The following SHANK1 variants were observed in gnomAD, a reference collection of about 807,000 sequenced individuals.
SHANK1 encodes SH3 and multiple ankyrin repeat domains protein 1.
SHANK1 carries 35 observed loss-of-function variants against 165.6 expected under a neutral mutation model. The ratio of observed to expected loss-of-function variants is 0.21; its 90% CI spans 0.16 to 0.28. The LOEUF (loss-of-function observed/expected upper bound fraction) is 0.28. SHANK1 is among the 10% of genes least tolerant of loss of function. The pLI is 1.00. For synonymous variants in SHANK1, 1,428 were observed against 1,384.8 expected (o/e 1.03, Z -0.69); for missense variants, 2,681 against 3,036.4 (o/e 0.88, Z 2.75).
rs1317317383 is a variant in SHANK1, at chr19:50,712,137, G to T, written c.793-23C>A. The T allele has an allele frequency of 1.9e-6, 3 of 1,556,866 alleles. No individual in the cohort carries two copies. The African/African-American group carries it at 4.1e-5, about 21-fold the overall frequency. Reference sequence around the variant, plus strand: ...CGCCTAGGAACGGAGAGAGAACCCAGTAGAAAAACACAGATGACAGTCACA... The same window carrying T: ...CGCCTAGGAACGGAGAGAGAACCCATTAGAAAAACACAGATGACAGTCACA... On this transcript the variant is annotated intron_variant, in intron 6 of 23. Transcript: ENST00000293441.
chr19:50,687,676 G>T lies in SHANK1; in HGVS notation c.2309-14C>A. The T allele has an allele frequency of 6.8e-7, 1 of 1,478,408 alleles. No homozygotes were observed. The highest frequency in any genetic ancestry group is 1.4e-5 in the South Asian group (1 of 70,720). The allele number at this position is 1,478,408 out of a possible 1,614,324, so 91.6% of individuals were successfully genotyped here. Reference sequence around the variant, plus strand: ...CCTGCTGGGGTGCTGAAAAGGTGATGAGGGGAGGCATCAGTATCATGGGGG... The same window carrying T: ...CCTGCTGGGGTGCTGAAAAGGTGATTAGGGGAGGCATCAGTATCATGGGGG... On this transcript the variant is annotated splice_polypyrimidine_tract_variant and intron_variant, in intron 18 of 23. Transcript: ENST00000293441.
rs374708018 is a variant in SHANK1, at chr19:50,716,904, C to T, written c.16G>A (p.Ala6Thr). 272 of 1,446,570 alleles carry T rather than the reference C, an allele frequency of 1.9e-4. No homozygotes were observed. Among genetic ancestry groups the T allele is most frequent in the East Asian group, 2.5e-4 (10 of 39,242 alleles). The allele number at this position is 1,446,570 out of a possible 1,614,324, so 89.6% of individuals were successfully genotyped here. A position where few individuals can be genotyped will look rare whatever the true frequency, so the allele number is the denominator to read the frequency against. Reference sequence around the variant, plus strand: ...TGGCGTTCCTCGTCCTCGCTTGTCGCGGGGCTGTGGGTCATTGTGGGGCCA... The same window carrying T: ...TGGCGTTCCTCGTCCTCGCTTGTCGTGGGGCTGTGGGTCATTGTGGGGCCA... MTHSP[A>T]TSEDEERHSA... is the part of the protein sequence containing the mutation. Residue 6 changes from alanine to threonine, a missense_variant, in exon 2 of 24, where the codon GCG (alanine) becomes ACG (threonine). Around this residue, in one of 10 missense-constraint regions of SHANK1, gnomAD observed 118 missense variants for 106.9 expected, o/e 1.10. Transcript: ENST00000293441. The surrounding 1 kb of genome is among the most constrained non-coding windows in gnomAD (Gnocchi z 8.4).
At chr19:50,665,737 T>TAAAAAAAAAAAAAAAAAAAAA (rs71182756) in intron 23 of SHANK1, among the ~76,000 whole-genome samples, 5 of 98,168 alleles carry the variant, frequency 5.1e-5, no homozygotes, top group African/African-American at 1.4e-4. Context: ...ACCCTGTTTC[T>TAAAAAAAAAAAAAAAAAAAAA]AAAAAAAAAA....
At chr19:50,712,224 C>G in intron 6 of SHANK1, 110 bp from the exon 7 acceptor site, 1 of 1,125,296 alleles carries the variant, frequency 8.9e-7, no homozygotes, top group Non-Finnish European at 1.3e-6. Context: ...CCTACAGTGG[C>G]CAATGACAGT....
chr19:50,686,847 C>A lies in SHANK1; in HGVS notation c.2390-35G>T. ...AAGAACACGGATGACGCCCAGGGAG[C>A]CCCCGGGGGCGGGGCGGAGCGGGCT... On this transcript the variant is annotated intron_variant, in intron 19 of 23. Transcript: ENST00000293441. This position sits in a 1 kb window ranked among gnomAD's most constrained non-coding sequence, Gnocchi z 5.7. The A allele has an allele frequency of 2.5e-6, 4 of 1,608,628 alleles. No homozygotes were observed. Among genetic ancestry groups the A allele is most frequent in the Middle Eastern group, 1.7e-4 (1 of 6,048 alleles).
At position 50,670,272 on chromosome 19, in the gene SHANK1, C is replaced by T. The variant is rs1985743868; in HGVS notation, c.2675-987G>A. Among the ~76,000 whole-genome samples the T allele has an allele frequency of 6.6e-6, 1 of 152,166 alleles. No homozygotes were observed. The highest frequency in any genetic ancestry group is 2.4e-5 in the African/African-American group (1 of 41,438). ...AAACCTTGCAGCCACTCTTAGCTTT[C>T]TTCCTCAAGTCACCCACATCCAATC... On this transcript the variant is annotated intron_variant, in intron 22 of 23. Transcript: ENST00000293441. This position sits in a 1 kb window ranked among gnomAD's most constrained non-coding sequence, Gnocchi z 4.1.
At chr19:50,711,182 T>TTGGA (rs36023521) in intron 8 of SHANK1, 189 bp downstream of exon 8, 142,100 of 557,164 alleles carry the variant, frequency 0.26, 18,800 homozygotes, top group African/African-American at 0.34. Context: ...TAAATATCTG[T>TTGGA]TGGATGGATG....
Position 50,718,864 on chromosome 19 carries a change from C to CCTCCCATCAAGGATGCGATCT in SHANK1, c.-44+541_-44+542insAGATCGCATCCTTGATGGGAG. On this transcript the variant is annotated intron_variant, in intron 1 of 23. Transcript: ENST00000293441. The surrounding 1 kb of genome is among the most constrained non-coding windows in gnomAD (Gnocchi z 5.1). ...GGGGGCGGGAGCCGAGGGGGCGCGC[C>CCTCCCATCAAGGATGCGATCT]GGCCGGCGGTGTAGGGACTGGAGAC... 6.7e-6 allele frequency among the ~76,000 whole-genome samples: 1 copy of CCTCCCATCAAGGATGCGATCT among 149,734 alleles called. No individual in the cohort carries two copies. The highest frequency in any genetic ancestry group is 2.1e-4 in the South Asian group (1 of 4,662).
chr19:50,699,262 G>A (rs138210407), intron 12 of SHANK1, among the ~76,000 whole-genome samples: 127 of 152,332 alleles, frequency 8.3e-4, no homozygotes, highest in African/African-American at 2.9e-3. Context: ...TTTAGTTAGT[G>A]CCAGTCATGA....
intron 11 of SHANK1, among the ~76,000 whole-genome samples, chr19:50,703,157 TC>T (rs1195255768): frequency 6.7e-6 from 1 of 149,884 alleles, no homozygotes; most frequent in East Asian, 2.0e-4. Context: ...GACCTCTCTG[TC>T]CCCCTCAAGT....
Position 50,661,528 on chromosome 19 carries a change from C to A in SHANK1, c.*437G>T, listed in dbSNP as rs1245240739. Among the ~76,000 whole-genome samples the A allele has an allele frequency of 6.6e-6, 1 of 151,202 alleles. No homozygotes were observed. Among genetic ancestry groups the A allele is most frequent in the African/African-American group, 2.4e-5 (1 of 41,052 alleles). On this transcript the variant is annotated 3_prime_UTR_variant, in exon 24 of 24. Coordinates refer to ENST00000293441, the MANE Select transcript of SHANK1 (RefSeq NM_016148.5). ...AGGGGAAGGGGGGAGAGCTGAGGGG[C>A]CTGGAGAGAGTGGGAAGGGTTGTTA...
chr19:50,703,548 C>A lies in SHANK1; in HGVS notation c.1505G>T (p.Arg502Leu). The change falls in exon 11 of 24, where the codon CGA becomes CTA. Residue 502 changes from arginine to leucine, a missense_variant. Arg to Leu is a moderately radical substitution (Grantham distance 102). Transcript: ENST00000293441. ...PRGARARSPS[R>L]GRHPEDAKRQ... ...CTTGGCGTCCTCAGGGTGCCTCCCTCGGGATGGAGAGCGGGCCCTGGCACC... is the reference window on the plus strand; with the variant it reads ...CTTGGCGTCCTCAGGGTGCCTCCCTAGGGATGGAGAGCGGGCCCTGGCACC... 6.4e-7 allele frequency: 1 copy of A among 1,552,220 alleles called. No homozygotes were observed. Among genetic ancestry groups the A allele is most frequent in the East Asian group, 2.4e-5 (1 of 41,904 alleles).
At chr19:50,693,764 C>T (rs1986623378) in intron 15 of SHANK1, among the ~76,000 whole-genome samples, 1 of 152,112 alleles carries the variant, frequency 6.6e-6, no homozygotes, top group African/African-American at 2.4e-5. Context: ...CAAGCGGATG[C>T]GGCTCCCCAT....
chr19:50,672,049 T>C lies in SHANK1; in HGVS notation c.2643A>G (p.Gly881=), dbSNP rs765410245. 8.7e-6 allele frequency: 14 copies of C among 1,613,634 alleles called. No individual in the cohort carries two copies. The Admixed American group carries it at 2.3e-4, about 27-fold the overall frequency. Residue 881 remains glycine, a synonymous_variant, in exon 22 of 24, where the codon GGA becomes GGG. Coordinates refer to ENST00000293441, the MANE Select transcript of SHANK1 (RefSeq NM_016148.5). ...SYERPSFLPP[G]PGLMLRQKSI... ...ATTTTTGCCGGAGCATCAACCCAGG[T>C]CCTGGAGGCAGGAAAGAAGGACGCT...
intron 16 of SHANK1, 42 bp from the exon 17 acceptor site, chr19:50,689,010 T>A: frequency 7.3e-7 from 1 of 1,374,348 alleles, no homozygotes; most frequent in Non-Finnish European, 1.0e-6. Flanking sequence ...GGGGAGGGGG[T>A]GGAGAGGCCG....
In SHANK1 at chr19:50,666,452, C is replaced by T. The variant is rs1232996194; in HGVS notation, c.5508G>A (p.Lys1836=). ...CCGGGCCCTCCTCCCAGGGCAGCAG[C>T]TTCCGGGGCAGAGAGGAGGCCGTCG... ...PLPTASSLPR[K]LLPWEEGPGP... Residue 1836 remains lysine (K), a synonymous_variant, in exon 23 of 24, where the codon AAG becomes AAA. Coordinates refer to ENST00000293441, the MANE Select transcript of SHANK1 (RefSeq NM_016148.5). 1.2e-6 allele frequency: 2 copies of T among 1,608,156 alleles called. No individual in the cohort carries two copies. Among genetic ancestry groups the T allele is most frequent in the Admixed American group, 1.7e-5 (1 of 59,302 alleles).
rs1167514708 is a variant in SHANK1 at position 50,688,423 on chromosome 19, A to G, written c.2173-365T>C. 1.3e-5 allele frequency among the ~76,000 whole-genome samples: 2 copies of G among 151,940 alleles called. No individual in the cohort carries two copies. Among genetic ancestry groups the G allele is most frequent in the African/African-American group, 2.4e-5 (1 of 41,342 alleles). On this transcript the variant is annotated intron_variant, in intron 17 of 23. Coordinates refer to ENST00000293441, the MANE Select transcript of SHANK1 (RefSeq NM_016148.5). This position sits in a 1 kb window ranked among gnomAD's most constrained non-coding sequence, Gnocchi z 6.7. ...ACCCTCGACTTCCTGGGCTCAAGCA[A>G]TTCTCCCACCTCAGCCTCCAGAATA... is the stretch of plus-strand genomic sequence containing the variant.
At chr19:50,696,374 C>T (rs1986742331) in intron 15 of SHANK1, among the ~76,000 whole-genome samples, 1 of 152,056 alleles carries the variant, frequency 6.6e-6, no homozygotes, top group African/African-American at 2.4e-5. Context: ...GGGTGGCACC[C>T]CAGCCCCACC....
rs979233657 is a variant in SHANK1, at chr19:50,670,188, C to T, written c.2675-903G>A. Among the ~76,000 whole-genome samples the T allele has an allele frequency of 2.0e-5, 3 of 152,150 alleles. No individual in the cohort carries two copies. The highest frequency in any genetic ancestry group is 4.4e-5 in the Non-Finnish European group (3 of 68,032). ...TCACCAACAGACTCCTCCCAGCCCACGGTCCCTCCCCACCACCGCAGCAAA... is the reference window on the plus strand; with the variant it reads ...TCACCAACAGACTCCTCCCAGCCCATGGTCCCTCCCCACCACCGCAGCAAA... On this transcript the variant is annotated intron_variant, in intron 22 of 23. Transcript: ENST00000293441. The surrounding 1 kb of genome is among the most constrained non-coding windows in gnomAD (Gnocchi z 4.1).
Sources: gnomAD v4.1 joint callset for allele counts (sites outside exome capture counted in the v4.1 genomes callset) on GRCh38, gnomAD v4.1.1 for gene constraint, gnomAD v4.1.1 regional missense constraint, Gnocchi (gnomAD v3.1) non-coding constraint, MANE v1.5 for transcripts, NCBI Gene and HGNC (gene_info 2026-07-23, HGNC 2026-07-21) for gene names.